The following LRP1B variants were observed in gnomAD, a reference collection of about 807,000 sequenced individuals.
The protein encoded by LRP1B is low-density lipoprotein receptor-related protein 1B.
In LRP1B, 217 loss-of-function variants were observed where a neutral mutation model predicts 556.6. The ratio of observed to expected loss-of-function variants is 0.39; its 90% CI spans 0.35 to 0.44. LRP1B has a LOEUF of 0.44. Among genes scored for constraint, LRP1B ranks in the 20% least tolerant of loss-of-function variants. LRP1B has a pLI of 1.00. For missense variants in LRP1B, 5,053 were observed against 5,620.8 expected, an observed-to-expected ratio of 0.90 and a Z score of 3.23; for synonymous variants, 2,047 against 1,865.8, an observed-to-expected ratio of 1.10 and a Z score of -2.50.
chr2:141,109,044 A>G (rs1205284905), intron 7 of LRP1B, among the ~76,000 whole-genome samples: 1 of 152,202 alleles, frequency 6.6e-6, no homozygotes, highest in Non-Finnish European at 1.5e-5. Flanking sequence ...CCTGTAAATA[A>G]CACCACTATT....
chr2:140,555,162 A>G (rs553229643), intron 43 of LRP1B, among the ~76,000 whole-genome samples: 130 of 151,800 alleles, frequency 8.6e-4, no homozygotes, highest in Non-Finnish European at 1.4e-3. Flanking sequence ...AAAACCTCAT[A>G]TGTCCACACC....
intron 2 of LRP1B, among the ~76,000 whole-genome samples, chr2:141,647,645 G>A (rs1178370787): frequency 6.7e-6 from 1 of 149,584 alleles, no homozygotes; most frequent in Non-Finnish European, 1.5e-5. Context: ...TTCTAAATAA[G>A]CATATTAATT....
chr2:141,471,015 A>G (rs1458697669), intron 3 of LRP1B, among the ~76,000 whole-genome samples: 1 of 152,118 alleles, frequency 6.6e-6, no homozygotes, highest in Non-Finnish European at 1.5e-5. Context: ...TTTGACTTTC[A>G]TTTACACAAA....
chr2:141,341,283 G>A (rs578166530), intron 3 of LRP1B, among the ~76,000 whole-genome samples: 1 of 152,288 alleles, frequency 6.6e-6, no homozygotes, highest in East Asian at 1.9e-4. Context: ...TCATACCCAT[G>A]TATGGAATTC....
intron 66 of LRP1B, among the ~76,000 whole-genome samples, chr2:140,404,658 C>G (rs2105235057): frequency 6.6e-6 from 1 of 152,190 alleles, no homozygotes; most frequent in South Asian, 2.1e-4. Flanking sequence ...TTAAAAATCA[C>G]TAAACAAGTA....
At chr2:141,639,398 A>ATGTG (rs1396764029) in intron 2 of LRP1B, among the ~76,000 whole-genome samples, 1 of 74,528 alleles carries the variant, frequency 1.3e-5, no homozygotes, top group Non-Finnish European at 3.4e-5. Flanking sequence ...ATACACATAT[A>ATGTG]TATATATGTG....
intron 1 of LRP1B, among the ~76,000 whole-genome samples, chr2:141,906,943 G>C (rs1421740918): frequency 1.3e-5 from 2 of 151,976 alleles, no homozygotes. Context: ...TCCCATTTTG[G>C]CAGAGACACA....
intron 1 of LRP1B, among the ~76,000 whole-genome samples, chr2:142,038,264 T>G (rs1703953451): frequency 6.6e-6 from 1 of 151,564 alleles, no homozygotes; most frequent in African/African-American, 2.4e-5. Flanking sequence ...ATGCCTTGAA[T>G]GCAATGATAC....
chr2:140,598,969 C>G lies in LRP1B; in HGVS notation c.6990-134G>C, dbSNP rs72899750. On this transcript the variant is annotated intron_variant, in intron 42 of 90. Coordinates refer to ENST00000389484, the MANE Select transcript of LRP1B (RefSeq NM_018557.3). The stretch of plus-strand genomic sequence containing the variant: ...CCTCATATTCTATCTTTAACAAAGT[C>G]TAGGTAATAAAAGGAGATATGCATA... The G allele has an allele frequency of 8.3e-3, 5,303 of 639,600 alleles. 29 individuals are homozygous for G. The highest frequency in any genetic ancestry group is 0.011 in the Non-Finnish European group (4,064 of 371,038). 39.6% of individuals were successfully genotyped at this position (639,600 alleles called of 1,614,324 possible). A position where few individuals can be genotyped will look rare whatever the true frequency, so the allele number is the denominator to read the frequency against.
intron 84 of LRP1B, among the ~76,000 whole-genome samples, chr2:140,284,373 A>G (rs1310078475): frequency 1.4e-5 from 2 of 140,410 alleles, no homozygotes; most frequent in Non-Finnish European, 3.0e-5. Flanking sequence ...AAAGGAATTC[A>G]TGGAGAAATG....
chr2:140,535,832 T>C (rs552946590), intron 46 of LRP1B, among the ~76,000 whole-genome samples: 1 of 152,286 alleles, frequency 6.6e-6, no homozygotes, highest in Admixed American at 6.5e-5. Context: ...AGATGTTGAC[T>C]ATCACTTGGT....
At chr2:141,807,690 G>T (rs139400015) in intron 2 of LRP1B, among the ~76,000 whole-genome samples, 2 of 152,156 alleles carry the variant, frequency 1.3e-5, no homozygotes, top group Admixed American at 6.6e-5. Context: ...GCCTCCATCT[G>T]CTAAAAGCCC....
intron 86 of LRP1B, chr2:140,269,150 G>T: frequency 2.5e-6 from 1 of 405,962 alleles, no homozygotes; most frequent in Non-Finnish European, 5.1e-6. Flanking sequence ...ACACAGATGA[G>T]CCCCGAGATT....
intron 66 of LRP1B, among the ~76,000 whole-genome samples, chr2:140,437,886 A>C (rs954370326): frequency 6.6e-6 from 1 of 152,224 alleles, no homozygotes; most frequent in Non-Finnish European, 1.5e-5. Context: ...GAGATATCTT[A>C]TACCAAATTT....
intron 1 of LRP1B, among the ~76,000 whole-genome samples, chr2:141,966,127 T>C (rs1038895383): frequency 6.6e-6 from 1 of 151,836 alleles, no homozygotes; most frequent in African/African-American, 2.4e-5. Context: ...GGAGCAAGGC[T>C]TATATTCATC....
intron 18 of LRP1B, among the ~76,000 whole-genome samples, chr2:140,976,802 C>T (rs1291750857): frequency 6.6e-6 from 1 of 152,040 alleles, no homozygotes; most frequent in African/African-American, 2.4e-5. Context: ...TGAGCCACCA[C>T]ACCCAGCCTG....
At chr2:140,418,192 G>A (rs1410874642) in intron 66 of LRP1B, among the ~76,000 whole-genome samples, 1 of 152,190 alleles carries the variant, frequency 6.6e-6, no homozygotes, top group East Asian at 1.9e-4. Context: ...TTACAGGAGT[G>A]AGGAGAGAAC....
intron 3 of LRP1B, among the ~76,000 whole-genome samples, chr2:141,471,811 T>C (rs1682484568): frequency 6.6e-6 from 1 of 152,206 alleles, no homozygotes; most frequent in Non-Finnish European, 1.5e-5. Flanking sequence ...GAAAAGTCCT[T>C]ACTGTATTTC....
intron 27 of LRP1B, among the ~76,000 whole-genome samples, chr2:140,865,693 T>A (rs1692928410): frequency 6.6e-6 from 1 of 152,110 alleles, no homozygotes; most frequent in Non-Finnish European, 1.5e-5. Flanking sequence ...TCATAGGTGA[T>A]ATTCTCTAAA....
Sources: allele counts gnomAD v4.1 joint callset (sites outside exome capture counted in the v4.1 genomes callset), GRCh38; gene constraint gnomAD v4.1.1; transcripts MANE v1.5; gene names NCBI Gene and HGNC (gene_info 2026-07-23, HGNC 2026-07-21).